PIK3IP1: variants seen among roughly 807,000 people sequenced by gnomAD.
PIK3IP1 encodes the protein phosphoinositide-3-kinase interacting protein 1, also known as phosphoinositide-3-kinase-interacting protein 1.
A neutral mutation model predicts 30.7 loss-of-function variants in PIK3IP1; 28 were observed. The observed-to-expected ratio is 0.91, with a 90% CI of 0.68 to 1.25. The LOEUF is 1.25. PIK3IP1 is among the 50% of genes most tolerant of loss of function. The pLI, the probability that PIK3IP1 is intolerant of heterozygous loss-of-function variation, is 0.00. For missense variants in PIK3IP1, 333 were observed against 346.2 expected (o/e 0.96, Z 0.30); for synonymous variants, 159 against 140.8 (o/e 1.13, Z -0.91).
chr22:31,284,555 C>A (rs1181394729), intron 5 of PIK3IP1, among the ~76,000 whole-genome samples: 1 of 152,176 alleles, frequency 6.6e-6, no homozygotes, highest in African/African-American at 2.4e-5. Flanking sequence ...TGAGAGGCCA[C>A]TAGGCCTGCT....
Position 31,289,490 on chromosome 22 carries a change from C to T in PIK3IP1, c.508+9G>A. ...TCCCAACGAGGGCAGGGGTGGGGGA[C>T]CGTCATACCCAGAGTTCCCAGGTCC... On this transcript the variant is annotated intron_variant, in intron 4 of 5. Coordinates refer to ENST00000215912, the MANE Select transcript of PIK3IP1 (RefSeq NM_052880.5). 2 of 1,533,184 alleles carry T rather than the reference C, an allele frequency of 1.3e-6. No individual in the cohort carries two copies. Among genetic ancestry groups the T allele is most frequent in the Non-Finnish European group, 1.8e-6 (2 of 1,138,984 alleles). The allele number at this position is 1,533,184 out of a possible 1,614,324, so 95.0% of individuals were successfully genotyped here.
At chr22:31,289,841 C>T (rs1601462181) in intron 3 of PIK3IP1, 142 bp from the exon 4 acceptor site, 2 of 857,874 alleles carry the variant, frequency 2.3e-6, no homozygotes, top group Admixed American at 2.5e-5. Context: ...CAAATTCTGC[C>T]CCAGAGGTAA....
In PIK3IP1 at chr22:31,281,660, G is replaced by A. The variant is rs995590039; in HGVS notation, c.*1424C>T. On this transcript the variant is annotated 3_prime_UTR_variant, in exon 6 of 6. Transcript: ENST00000215912. ...TTTCCCACACTATATGCAGGTGTCA[G>A]AATGAGGTATATAAAACATGTATAT... 1.3e-5 allele frequency: 2 copies of A among 152,326 alleles called. No homozygotes were observed. The highest frequency in any genetic ancestry group is 4.8e-5 in the African/African-American group (2 of 41,350). The allele number at this position is 152,326 out of a possible 1,614,324, so 9.4% of individuals were successfully genotyped here.
chr22:31,291,116 G>A, intron 2 of PIK3IP1, 32 bp from the exon 3 acceptor site: 1 of 1,540,930 alleles, frequency 6.5e-7, no homozygotes, highest in Non-Finnish European at 8.7e-7. Flanking sequence ...TGTGTGCCGG[G>A]GCTGGCACCG....
At chr22:31,289,003 A>G in intron 5 of PIK3IP1, 1 of 500,618 alleles carries the variant, frequency 2.0e-6, no homozygotes, top group African/African-American at 1.9e-5. Flanking sequence ...GGAATTTGCT[A>G]TCAAAAGAGC....
intron 1 of PIK3IP1, 27 bp from the exon 2 acceptor site, chr22:31,291,323 C>G: frequency 6.5e-7 from 1 of 1,549,902 alleles, no homozygotes; most frequent in East Asian, 2.4e-5. Flanking sequence ...CCCCCGGACA[C>G]AGAATAGCGG....
rs2049091899 is a variant in PIK3IP1, at chr22:31,281,879, T to G, written c.*1205A>C. On this transcript the variant is annotated 3_prime_UTR_variant, in exon 6 of 6. Transcript: ENST00000215912. ...TATGGCTAGGAGCTGCCAAGGCCTC[T>G]TGAGTGTGACATCACAGGTTAGAGG... The G allele has an allele frequency of 6.5e-6, 1 of 152,676 alleles. No individual in the cohort carries two copies. The highest frequency in any genetic ancestry group is 6.5e-5 in the Admixed American group (1 of 15,280). 9.5% of individuals were successfully genotyped at this position (152,676 alleles called of 1,614,324 possible).
At chr22:31,290,659 A>G (rs2049167291) in intron 3 of PIK3IP1, 1 of 343,590 alleles carries the variant, frequency 2.9e-6, no homozygotes, top group Non-Finnish European at 5.3e-6. Flanking sequence ...GACGCTCCGC[A>G]AACGGTCAAT....
chr22:31,292,340 A>T lies in PIK3IP1; in HGVS notation c.5T>A (p.Leu2Gln). The T allele has an allele frequency of 6.2e-7, 1 of 1,614,160 alleles. No homozygotes were observed. The highest frequency in any genetic ancestry group is 8.5e-7 in the Non-Finnish European group (1 of 1,180,000). The change falls in exon 1 of 6, where the codon CTG (leucine) becomes CAG (glutamine). Residue 2 changes from leucine to glutamine, a missense_variant. Physicochemically the swap from Leu to Gln is moderately radical, Grantham distance 113. Around this residue, in one of 3 missense-constraint regions of PIK3IP1, gnomAD observed 111 missense variants for 100.1 expected, o/e 1.11. Transcript: ENST00000215912. M[L>Q]LAWVQAFLVS... is the part of the protein sequence containing the mutation. ...GAGGAATGCTTGTACCCAGGCCAACAGCATCCTTGCCTCCTTCGTCTTGCA... is the reference window on the plus strand; with the variant it reads ...GAGGAATGCTTGTACCCAGGCCAACTGCATCCTTGCCTCCTTCGTCTTGCA...
intron 5 of PIK3IP1, among the ~76,000 whole-genome samples, chr22:31,285,152 CT>C (rs1417745668): frequency 6.6e-6 from 1 of 152,204 alleles, no homozygotes; most frequent in African/African-American, 2.4e-5. Flanking sequence ...TCAATTATTA[CT>C]CTGAGCCGCT....
intron 5 of PIK3IP1, among the ~76,000 whole-genome samples, chr22:31,285,229 T>C (rs1022274992): frequency 9.2e-5 from 14 of 152,196 alleles, no homozygotes; most frequent in Non-Finnish European, 1.5e-4. Context: ...CCAAGGCAGC[T>C]ACAGGTAATA....
chr22:31,291,180 C>G lies in PIK3IP1; in HGVS notation c.187G>C (p.Gly63Arg). The G allele has an allele frequency of 6.5e-7, 1 of 1,545,980 alleles. No homozygotes were observed. The highest frequency in any genetic ancestry group is 8.7e-7 in the Non-Finnish European group (1 of 1,145,068). Reference protein sequence around the residue: ...QSGLASAPVSGAGNHSYCRNP... With the variant: ...QSGLASAPVSRAGNHSYCRNP... ...GGGCCGTCCCCCGGAGGACACTTACCCGACACGGGGGCCGAGGCCAGCCCG... is the reference window on the plus strand; with the variant it reads ...GGGCCGTCCCCCGGAGGACACTTACGCGACACGGGGGCCGAGGCCAGCCCG... Residue 63 changes from glycine to arginine, a missense_variant and splice_region_variant, in exon 2 of 6, where the codon GGG (glycine) becomes CGG (arginine). Around this residue, in one of 3 missense-constraint regions of PIK3IP1, gnomAD observed 111 missense variants for 100.1 expected, o/e 1.11. Transcript: ENST00000215912.
At chr22:31,290,786 G>A in intron 3 of PIK3IP1, 179 bp downstream of exon 3, 1 of 892,496 alleles carries the variant, frequency 1.1e-6, no homozygotes, top group Non-Finnish European at 1.6e-6. Flanking sequence ...GCTCATACGA[G>A]TGGCGGCGGC....
rs1157807755 is a variant in PIK3IP1 at position 31,283,131 on chromosome 22, C to T, written c.745G>A (p.Glu249Lys). The change falls in exon 6 of 6, where the codon GAG becomes AAG. Residue 249 changes from glutamate to lysine, a missense_variant. By Grantham distance (56) the Glu-to-Lys change is moderately conservative (BLOSUM62 1). Coordinates refer to ENST00000215912, the MANE Select transcript of PIK3IP1 (RefSeq NM_052880.5). ...HTSQTPVDPQ[E>K]GTTPLMGQAG... ...TGGCCCATAAGGGGGGTGGTGCCCT[C>T]CTGAGGGTCAACTGGAGTCTGGCTG... is the stretch of plus-strand genomic sequence containing the variant. 2 of 1,613,236 alleles carry T rather than the reference C, an allele frequency of 1.2e-6. No homozygotes were observed. Among genetic ancestry groups the T allele is most frequent in the East Asian group, 2.2e-5 (1 of 44,886 alleles).
chr22:31,291,849 G>C (rs1277602497), intron 1 of PIK3IP1, among the ~76,000 whole-genome samples: 2 of 152,164 alleles, frequency 1.3e-5, no homozygotes. Flanking sequence ...CCTTGACTCC[G>C]TCAGGCAAAA....
intron 1 of PIK3IP1, among the ~76,000 whole-genome samples, chr22:31,292,005 C>T (rs370854455): frequency 2.0e-5 from 3 of 152,178 alleles, no homozygotes; most frequent in African/African-American, 7.2e-5. Context: ...AAGAACAGGA[C>T]TTGGGGAGTA....
intron 1 of PIK3IP1, among the ~76,000 whole-genome samples, chr22:31,291,890 G>A (rs2049183552): frequency 6.6e-6 from 1 of 152,188 alleles, no homozygotes; most frequent in South Asian, 2.1e-4. Flanking sequence ...GGAGGAAACC[G>A]GCCTCATCGC....
rs200641882 is a variant in PIK3IP1, at chr22:31,291,186, C to G, written c.181G>C (p.Val61Leu). 6.5e-7 allele frequency: 1 copy of G among 1,546,526 alleles called. No homozygotes were observed. Among genetic ancestry groups the G allele is most frequent in the Non-Finnish European group, 8.7e-7 (1 of 1,145,288 alleles). ...DAQSGLASAP[V>L]SGAGNHSYCR... The stretch of plus-strand genomic sequence containing the variant: ...TCCCCCGGAGGACACTTACCCGACA[C>G]GGGGGCCGAGGCCAGCCCGCTCTGC... Residue 61 changes from valine (V) to leucine (L), a missense_variant, in exon 2 of 6, where the codon GTG (valine) becomes CTG (leucine). Coordinates refer to ENST00000215912, the MANE Select transcript of PIK3IP1 (RefSeq NM_052880.5).
chr22:31,289,803 G>T, intron 3 of PIK3IP1, 104 bp from the exon 4 acceptor site: 2 of 1,250,658 alleles, frequency 1.6e-6, no homozygotes, highest in Non-Finnish European at 2.2e-6. Context: ...GGTCACCTAA[G>T]AATTTCCCCC....
Sources: gnomAD v4.1 joint callset for allele counts (sites outside exome capture counted in the v4.1 genomes callset) on GRCh38, gnomAD v4.1.1 for gene constraint, gnomAD v4.1.1 regional missense constraint, MANE v1.5 for transcripts, NCBI Gene and HGNC (gene_info 2026-07-23, HGNC 2026-07-21) for gene names.